Variants in FHIT observed in about 807,000 individuals in gnomAD.
FHIT encodes bis(5'-adenosyl)-triphosphatase.
Under a neutral mutation model 17.9 loss-of-function variants are expected in FHIT, and 19 were observed. The ratio of observed to expected loss-of-function variants is 1.06; its 90% CI spans 0.74 to 1.56. FHIT has a LOEUF of 1.56. Ranked by LOEUF, FHIT falls within the 40% of genes most tolerant of loss-of-function variation. The pLI is 0.00. For missense variants in FHIT, 248 were observed against 189.2 expected, an observed-to-expected ratio of 1.31 and a Z score of -1.82; for synonymous variants, 81 against 69.7, an observed-to-expected ratio of 1.16 and a Z score of -0.81.
intron 3 of FHIT, among the ~76,000 whole-genome samples, chr3:60,901,894 C>T (rs72889152): frequency 0.029 from 4,376 of 152,150 alleles, 204 homozygotes; most frequent in African/African-American, 0.1. Flanking sequence ...GCTAGGAATA[C>T]GTCATAAGTA....
intron 5 of FHIT, among the ~76,000 whole-genome samples, chr3:60,474,008 C>T (rs771143221): frequency 3.4e-4 from 52 of 151,880 alleles, no homozygotes; most frequent in Non-Finnish European, 5.7e-4. Context: ...ATTTTGGAAA[C>T]ATTTAAAGAA....
At chr3:60,433,207 T>C (rs1366897723) in intron 5 of FHIT, among the ~76,000 whole-genome samples, 1 of 152,120 alleles carries the variant, frequency 6.6e-6, no homozygotes, top group South Asian at 2.1e-4. Flanking sequence ...TCTGACATGA[T>C]GACCTTCAGG....
chr3:59,983,278 A>G (rs368686437), intron 7 of FHIT, among the ~76,000 whole-genome samples: 1 of 152,104 alleles, frequency 6.6e-6, no homozygotes, highest in Non-Finnish European at 1.5e-5. Context: ...GGGTATATTT[A>G]TTGGTTCACA....
chr3:60,450,675 G>C (rs948495254), intron 5 of FHIT, among the ~76,000 whole-genome samples: 1 of 152,062 alleles, frequency 6.6e-6, no homozygotes, highest in African/African-American at 2.4e-5. Context: ...GGGTTAAGTG[G>C]GGAATTTGGG....
intron 4 of FHIT, among the ~76,000 whole-genome samples, chr3:60,740,313 C>T (rs534922558): frequency 2.0e-5 from 3 of 152,272 alleles, no homozygotes; most frequent in Admixed American, 6.5e-5. Flanking sequence ...TTGCTTGTTA[C>T]GTGACCCCTG....
intron 5 of FHIT, among the ~76,000 whole-genome samples, chr3:60,397,116 C>T (rs937420064): frequency 1.3e-5 from 2 of 152,180 alleles, no homozygotes; most frequent in Non-Finnish European, 2.9e-5. Flanking sequence ...AAATTCTTCA[C>T]TGTGAAGGTA....
chr3:60,107,998 T>C (rs552716282), intron 5 of FHIT, among the ~76,000 whole-genome samples: 137 of 152,294 alleles, frequency 9.0e-4, no homozygotes, highest in Middle Eastern at 3.4e-3. Context: ...GAAAGGACAT[T>C]CAGAGTGGAC....
intron 5 of FHIT, among the ~76,000 whole-genome samples, chr3:60,100,608 C>T (rs1453140578): frequency 6.6e-6 from 1 of 152,128 alleles, no homozygotes; most frequent in Non-Finnish European, 1.5e-5. Flanking sequence ...TCCAGAAACC[C>T]CTCTCTGGTC....
chr3:59,823,523 G>C (rs1700869005), intron 8 of FHIT, among the ~76,000 whole-genome samples: 1 of 151,946 alleles, frequency 6.6e-6, no homozygotes, highest in Non-Finnish European at 1.5e-5. Context: ...TTTCATACCA[G>C]GGATACAGGG....
At chr3:60,250,306 C>T (rs1445959730) in intron 5 of FHIT, among the ~76,000 whole-genome samples, 1 of 152,136 alleles carries the variant, frequency 6.6e-6, no homozygotes, top group Non-Finnish European at 1.5e-5. Context: ...ATTATCCTAA[C>T]ATGCTAACAG....
chr3:61,173,913 C>A (rs1276724543), intron 2 of FHIT, among the ~76,000 whole-genome samples: 1 of 152,204 alleles, frequency 6.6e-6, no homozygotes, highest in Non-Finnish European at 1.5e-5. Flanking sequence ...TCACTCTATG[C>A]CCTCTGCAGT....
chr3:61,187,131 T>C (rs1049045258), intron 2 of FHIT, among the ~76,000 whole-genome samples: 1 of 152,186 alleles, frequency 6.6e-6, no homozygotes, highest in Non-Finnish European at 1.5e-5. Context: ...CAGTCAGTCA[T>C]GTAGGTGAGT....
chr3:60,495,467 T>C (rs892674896), intron 5 of FHIT, among the ~76,000 whole-genome samples: 4 of 151,936 alleles, frequency 2.6e-5, no homozygotes, highest in Non-Finnish European at 5.9e-5. Flanking sequence ...CAAATATGAG[T>C]TTTTACTCCC....
intron 1 of FHIT, among the ~76,000 whole-genome samples, chr3:61,218,398 G>T (rs1293011551): frequency 6.6e-6 from 1 of 152,174 alleles, no homozygotes; most frequent in Non-Finnish European, 1.5e-5. Flanking sequence ...ACTGATGGAG[G>T]CAGAATTCAG....
intron 7 of FHIT, among the ~76,000 whole-genome samples, chr3:60,006,529 A>G (rs1268009923): frequency 1.3e-5 from 2 of 152,120 alleles, no homozygotes; most frequent in Non-Finnish European, 2.9e-5. Context: ...ACTGGGGTGG[A>G]CTGGTCAGAT....
At position 60,373,353 on chromosome 3, in the gene FHIT, T is replaced by C. The variant is rs540965501; in HGVS notation, c.103+163507A>G. Among the ~76,000 whole-genome samples the C allele has an allele frequency of 3.9e-5, 6 of 152,278 alleles. No individual in the cohort carries two copies. The East Asian group carries it at 9.7e-4, about 24-fold the overall frequency. On this transcript the variant is annotated intron_variant, in intron 5 of 9. Transcript: ENST00000492590. Reference sequence around the variant, plus strand: ...ATTTGAAAATGGCTTGGTAAAGTTCTAGATAAATGAAACAGCATCAAATGC... The same window carrying C: ...ATTTGAAAATGGCTTGGTAAAGTTCCAGATAAATGAAACAGCATCAAATGC...
chr3:60,558,013 T>G (rs2036801442), intron 4 of FHIT, among the ~76,000 whole-genome samples: 1 of 152,092 alleles, frequency 6.6e-6, no homozygotes, highest in African/African-American at 2.4e-5. Flanking sequence ...AACGCTTCTC[T>G]TGGAAAATTT....
At chr3:60,547,800 A>AT (rs146801640) in intron 4 of FHIT, among the ~76,000 whole-genome samples, 18,337 of 152,084 alleles carry the variant, frequency 0.12, 1,329 homozygotes, top group Middle Eastern at 0.21. Context: ...GTGTTCAGTC[A>AT]TTTTTTTGAC....
At chr3:60,838,262 C>T (rs1248048377) in intron 3 of FHIT, among the ~76,000 whole-genome samples, 1 of 152,146 alleles carries the variant, frequency 6.6e-6, no homozygotes, top group South Asian at 2.1e-4. Flanking sequence ...TGCCTGAGCT[C>T]AGGAGTTCGC....
Sources: allele counts gnomAD v4.1 joint callset (sites outside exome capture counted in the v4.1 genomes callset), GRCh38; gene constraint gnomAD v4.1.1; transcripts MANE v1.5; gene names NCBI Gene and HGNC (gene_info 2026-07-23, HGNC 2026-07-21).